Variants in UBE2E2 observed in about 807,000 individuals in gnomAD.
UBE2E2 encodes ubiquitin conjugating enzyme E2 E2.
UBE2E2 carries 6 observed loss-of-function variants against 24.7 expected under a neutral mutation model. That is an observed-to-expected ratio of 0.24 (90% CI 0.13 to 0.48). The LOEUF is 0.48. UBE2E2 is among the 20% of genes least tolerant of loss of function. The pLI is 0.99. For synonymous variants in UBE2E2, 104 were observed against 83.6 expected (o/e 1.24, Z -1.33); for missense variants, 169 against 245.0 (o/e 0.69, Z 2.07).
At chr3:23,367,167 A>G (rs747626265) in intron 3 of UBE2E2, among the ~76,000 whole-genome samples, 4 of 152,206 alleles carry the variant, frequency 2.6e-5, no homozygotes, top group Non-Finnish European at 5.9e-5. Flanking sequence ...CAGTTTCATT[A>G]TAAAATGGAA....
At chr3:23,560,127 T>C (rs950281928) in intron 5 of UBE2E2, among the ~76,000 whole-genome samples, 9 of 152,114 alleles carry the variant, frequency 5.9e-5, no homozygotes, top group Admixed American at 5.9e-4. Context: ...TTGTTACATA[T>C]ATATACATGT....
At position 23,242,478 on chromosome 3, in the gene UBE2E2, G is replaced by A. The variant is rs1697284986; in HGVS notation, c.227+25166G>A. ...CTATTTGTTAAATTTATGGAAATAT[G>A]TTTTAAATTGTTTCTACAATCTTCT... On this transcript the variant is annotated intron_variant, in intron 3 of 5. Coordinates refer to ENST00000396703, the MANE Select transcript of UBE2E2 (RefSeq NM_152653.4). Among the ~76,000 whole-genome samples, 3 of 146,404 alleles carry A rather than the reference G, an allele frequency of 2.0e-5. No individual in the cohort carries two copies. The South Asian group carries it at 6.4e-4, about 31-fold the overall frequency.
chr3:23,445,245 T>C lies in UBE2E2; in HGVS notation c.228-54363T>C, dbSNP rs1313684450. On this transcript the variant is annotated intron_variant, in intron 3 of 5. Transcript: ENST00000396703. The stretch of plus-strand genomic sequence containing the variant: ...AGAATAAAGTATCCTATTCACCTCA[T>C]TGTTGATATTAGACAACACACATGT... Among the ~76,000 whole-genome samples, 5 of 152,230 alleles carry C rather than the reference T, an allele frequency of 3.3e-5. No individual in the cohort carries two copies. The East Asian group carries it at 9.6e-4, about 29-fold the overall frequency.
chr3:23,292,101 G>A (rs530398296), intron 3 of UBE2E2, among the ~76,000 whole-genome samples: 21 of 151,892 alleles, frequency 1.4e-4, no homozygotes, highest in South Asian at 6.3e-4. Flanking sequence ...CTCGTGATTC[G>A]CTCACCTTGG....
chr3:23,227,710 A>C (rs1333823823), intron 3 of UBE2E2, among the ~76,000 whole-genome samples: 1 of 152,186 alleles, frequency 6.6e-6, no homozygotes, highest in Non-Finnish European at 1.5e-5. Context: ...AGTGACTAGA[A>C]CAGTTAACAA....
At chr3:23,520,097 T>A (rs1003544443) in intron 4 of UBE2E2, among the ~76,000 whole-genome samples, 7 of 151,444 alleles carry the variant, frequency 4.6e-5, no homozygotes, top group African/African-American at 1.7e-4. Flanking sequence ...TAATTTTCTT[T>A]ATTATTTTTT....
chr3:23,427,501 G>A (rs948797517), intron 3 of UBE2E2, among the ~76,000 whole-genome samples: 1 of 151,928 alleles, frequency 6.6e-6, no homozygotes, highest in Non-Finnish European at 1.5e-5. Flanking sequence ...TAAAAAATAG[G>A]AACAAAGAAC....
intron 5 of UBE2E2, among the ~76,000 whole-genome samples, chr3:23,561,211 C>T (rs1695921056): frequency 6.6e-6 from 1 of 152,080 alleles, no homozygotes; most frequent in Non-Finnish European, 1.5e-5. Flanking sequence ...TTAGGTCTAA[C>T]GTTTAAGTCT....
intron 2 of UBE2E2, among the ~76,000 whole-genome samples, chr3:23,210,146 A>G (rs542652175): frequency 6.6e-6 from 1 of 152,270 alleles, no homozygotes; most frequent in African/African-American, 2.4e-5. Context: ...TAGAGAAAAT[A>G]TGACATTTAG....
intron 3 of UBE2E2, among the ~76,000 whole-genome samples, chr3:23,365,773 G>A (rs530516319): frequency 1.6e-4 from 25 of 152,082 alleles, no homozygotes; most frequent in Middle Eastern, 3.4e-3. Context: ...TTTTAAATTC[G>A]TATGGAACCA....
intron 3 of UBE2E2, among the ~76,000 whole-genome samples, chr3:23,361,971 T>A (rs1696127574): frequency 6.6e-6 from 1 of 152,224 alleles, no homozygotes; most frequent in South Asian, 2.1e-4. Context: ...GTATACATAC[T>A]TAATCTCATA....
At chr3:23,518,580 C>G (rs1043451463) in intron 4 of UBE2E2, among the ~76,000 whole-genome samples, 1 of 152,182 alleles carries the variant, frequency 6.6e-6, no homozygotes, top group Non-Finnish European at 1.5e-5. Context: ...CCTGAAGAGT[C>G]AGAAGGCTTG....
intron 5 of UBE2E2, among the ~76,000 whole-genome samples, chr3:23,552,496 C>T (rs542291529): frequency 6.6e-6 from 1 of 152,234 alleles, no homozygotes; most frequent in South Asian, 2.1e-4. Flanking sequence ...TTCATCTAGG[C>T]ACAAGGTAAA....
intron 3 of UBE2E2, among the ~76,000 whole-genome samples, chr3:23,372,099 C>T (rs575896045): frequency 7.2e-5 from 11 of 151,958 alleles, no homozygotes; most frequent in Admixed American, 3.9e-4. Context: ...GCCTGGGTTA[C>T]GAGTGAGACT....
intron 2 of UBE2E2, among the ~76,000 whole-genome samples, chr3:23,209,471 A>C (rs1696256792): frequency 6.6e-6 from 1 of 152,240 alleles, no homozygotes; most frequent in Non-Finnish European, 1.5e-5. Context: ...CTGGACTTAA[A>C]GGGAATCTGT....
At chr3:23,319,629 A>T (rs7636532) in intron 3 of UBE2E2, among the ~76,000 whole-genome samples, 122,223 of 150,304 alleles carry the variant, frequency 0.81, 49,988 homozygotes, top group African/African-American at 0.89. Context: ...CCTGACCAAC[A>T]TTGTGAAATC....
chr3:23,479,845 G>C (rs796552980), intron 3 of UBE2E2, among the ~76,000 whole-genome samples: 1 of 152,154 alleles, frequency 6.6e-6, no homozygotes, highest in African/African-American at 2.4e-5. Flanking sequence ...CTGAGTCTGG[G>C]GTTTTTATGT....
At chr3:23,220,326 G>A (rs772446309) in intron 3 of UBE2E2, among the ~76,000 whole-genome samples, 1 of 152,086 alleles carries the variant, frequency 6.6e-6, no homozygotes, top group Non-Finnish European at 1.5e-5. Flanking sequence ...AAGTAAAAAT[G>A]CAGTAAGATA....
intron 3 of UBE2E2, among the ~76,000 whole-genome samples, chr3:23,458,298 G>A (rs991333912): frequency 6.6e-6 from 1 of 150,928 alleles, no homozygotes; most frequent in Middle Eastern, 3.2e-3. Context: ...CACACAACAT[G>A]TATCGAGAGT....
Sources: gnomAD v4.1 joint callset for allele counts (sites outside exome capture counted in the v4.1 genomes callset) on GRCh38, gnomAD v4.1.1 for gene constraint, MANE v1.5 for transcripts, NCBI Gene and HGNC (gene_info 2026-07-23, HGNC 2026-07-21) for gene names.